Variants in CRKL observed in about 807,000 individuals in gnomAD.
CRKL encodes the protein crk-like protein.
Under a neutral mutation model 23.0 loss-of-function variants are expected in CRKL, and 3 were observed. The ratio of observed to expected loss-of-function variants is 0.13; its 90% CI spans 0.06 to 0.34. The LOEUF (loss-of-function observed/expected upper bound fraction) is 0.34. CRKL is among the 10% of genes least tolerant of loss of function. The probability of loss-of-function intolerance (pLI) is 1.00; values close to 1 mark genes in which losing one functional copy is unlikely to be tolerated. For missense variants in CRKL, 256 were observed against 394.5 expected (o/e 0.65, Z 2.97); for synonymous variants, 188 against 160.7 (o/e 1.17, Z -1.28).
intron 1 of CRKL, among the ~76,000 whole-genome samples, chr22:20,932,111 CTTAT>C (rs766403464): frequency 1.5e-3 from 226 of 150,500 alleles, no homozygotes; most frequent in Non-Finnish European, 2.7e-3. Context: ...GCGCCGGCCT[CTTAT>C]TTATTTATGT....
chr22:20,941,538 A>ATGTGTGTGTGTGTG (rs1187984983), intron 2 of CRKL, among the ~76,000 whole-genome samples: 7 of 50,434 alleles, frequency 1.4e-4, no homozygotes, highest in Non-Finnish European at 1.8e-4. Flanking sequence ...TATATATTTT[A>ATGTGTGTGTGTGTG]TGTGTGTGTG....
chr22:20,952,921 CCTT>C lies in CRKL; in HGVS notation c.*3079_*3081del, dbSNP rs1341822278. On this transcript the variant is annotated 3_prime_UTR_variant, in exon 3 of 3. Coordinates refer to ENST00000354336, the MANE Select transcript of CRKL (RefSeq NM_005207.4). ...GGACTTTGGTCACCCAGACTAGACA[CCTT>C]CTGTGCTCATGTTTGGAAAGCTGAA... 2 of 231,042 alleles carry C rather than the reference CCTT, an allele frequency of 8.7e-6. No homozygotes were observed. Among genetic ancestry groups the C allele is most frequent in the East Asian group, 6.2e-5 (1 of 16,250 alleles). The allele number at this position is 231,042 out of a possible 1,614,324, so 14.3% of individuals were successfully genotyped here.
intron 1 of CRKL, among the ~76,000 whole-genome samples, chr22:20,927,304 C>T (rs1921256643): frequency 2.8e-5 from 4 of 143,282 alleles, no homozygotes; most frequent in South Asian, 4.6e-4. Context: ...GATTCTCCTG[C>T]CTCAGTCTCC....
intron 2 of CRKL, among the ~76,000 whole-genome samples, chr22:20,934,497 A>G (rs1349753804): frequency 6.6e-6 from 1 of 152,056 alleles, no homozygotes; most frequent in Non-Finnish European, 1.5e-5. Context: ...CGACCTCCCA[A>G]AGTACTGGGA....
At chr22:20,938,202 G>A (rs1441603300) in intron 2 of CRKL, among the ~76,000 whole-genome samples, 1 of 152,178 alleles carries the variant, frequency 6.6e-6, no homozygotes, top group Non-Finnish European at 1.5e-5. Context: ...TAGTATTACA[G>A]AGAATGATGA....
chr22:20,949,601 C>T, intron 2 of CRKL, 110 bp from the exon 3 acceptor site: 1 of 1,444,830 alleles, frequency 6.9e-7, no homozygotes, highest in Non-Finnish European at 9.5e-7. Flanking sequence ...GACCCTGTGT[C>T]TAAATAATAA....
At chr22:20,936,840 T>C (rs1256656891) in intron 2 of CRKL, among the ~76,000 whole-genome samples, 1 of 150,736 alleles carries the variant, frequency 6.6e-6, no homozygotes, top group African/African-American at 2.4e-5. Flanking sequence ...GAGTGCTGGC[T>C]GAGCAGGCCT....
At chr22:20,925,186 C>CAAAAAAAAAAAAAAAAAAAAAAAAAAAA (rs11451684) in intron 1 of CRKL, among the ~76,000 whole-genome samples, 1 of 101,000 alleles carries the variant, frequency 9.9e-6, no homozygotes, top group Non-Finnish European at 1.9e-5. Context: ...GACTCCGTCT[C>CAAAAAAAAAAAAAAAAAAAAAAAAAAAA]AAAAAAAAAA....
Position 20,917,789 on chromosome 22 carries a change from G to A in CRKL, c.-146G>A, listed in dbSNP as rs997240872. ...GATGCTGCGGGCCCGGAGCCGAGAG[G>A]AAAGTGCTGGCCCAGCCCTCTGAGC... On this transcript the variant is annotated 5_prime_UTR_variant, in exon 1 of 3. Coordinates refer to ENST00000354336, the MANE Select transcript of CRKL (RefSeq NM_005207.4). The A allele has an allele frequency of 1.3e-5, 10 of 770,452 alleles. No homozygotes were observed. The African/African-American group carries it at 1.8e-4, about 14-fold the overall frequency. The allele number at this position is 770,452 out of a possible 1,614,324, so 47.7% of individuals were successfully genotyped here.
At chr22:20,934,990 A>G (rs980840682) in intron 2 of CRKL, among the ~76,000 whole-genome samples, 3 of 151,146 alleles carry the variant, frequency 2.0e-5, no homozygotes, top group Non-Finnish European at 4.4e-5. Flanking sequence ...ATTTTTTTGT[A>G]TTTTCAGTAG....
chr22:20,950,622 AG>A lies in CRKL; in HGVS notation c.*779del, dbSNP rs1215618753. ...GAGACGGGGTTTCATCATGTTGACC[AG>A]GCTGGTCTCAAACTCCTGACTTCAG... On this transcript the variant is annotated 3_prime_UTR_variant, in exon 3 of 3. Coordinates refer to ENST00000354336, the MANE Select transcript of CRKL (RefSeq NM_005207.4). 4.6e-5 allele frequency: 10 copies of A among 215,632 alleles called. No individual in the cohort carries two copies. The highest frequency in any genetic ancestry group is 7.5e-5 in the Non-Finnish European group (8 of 107,304). The allele number at this position is 215,632 out of a possible 1,614,324, so 13.4% of individuals were successfully genotyped here.
intron 1 of CRKL, among the ~76,000 whole-genome samples, chr22:20,931,660 G>A (rs1921457370): frequency 6.6e-6 from 1 of 151,866 alleles, no homozygotes; most frequent in Admixed American, 6.6e-5. Context: ...TGTAAAATGG[G>A]GATAATAACA....
At chr22:20,941,693 C>A (rs1377821082) in intron 2 of CRKL, among the ~76,000 whole-genome samples, 1 of 145,034 alleles carries the variant, frequency 6.9e-6, no homozygotes, top group Non-Finnish European at 1.5e-5. Context: ...CTCCCGGGTT[C>A]AAGCAGTTCT....
chr22:20,942,815 G>A (rs1375568188), intron 2 of CRKL, among the ~76,000 whole-genome samples: 3 of 152,008 alleles, frequency 2.0e-5, no homozygotes, highest in Admixed American at 2.0e-4. Context: ...TAGAGACAGG[G>A]TTTTGCCATG....
chr22:20,922,912 A>T (rs965165338), intron 1 of CRKL, among the ~76,000 whole-genome samples: 2 of 152,088 alleles, frequency 1.3e-5, no homozygotes, highest in Non-Finnish European at 2.9e-5. Flanking sequence ...ACCTCAAGTG[A>T]TCCACCTGCC....
chr22:20,917,542 C>T lies in CRKL; in HGVS notation c.-393C>T, dbSNP rs929201. ...CGACGCTCCTTCGAGTTCGGTGCCT[C>T]GTGTGACGGCGGGGGTCGGTGAAGA... On this transcript the variant is annotated 5_prime_UTR_variant, in exon 1 of 3. Transcript: ENST00000354336. The T allele has an allele frequency of 1.7e-3, 478 of 279,820 alleles. 3 individuals are homozygous for T. The highest frequency in any genetic ancestry group is 9.5e-3 in the African/African-American group (440 of 46,542). 17.3% of individuals were successfully genotyped at this position (279,820 alleles called of 1,614,324 possible).
intron 2 of CRKL, among the ~76,000 whole-genome samples, chr22:20,945,282 C>T (rs951914755): frequency 4.6e-5 from 7 of 152,232 alleles, no homozygotes; most frequent in East Asian, 3.9e-4. Context: ...CATGAGCCAC[C>T]GCACCCGGCT....
chr22:20,949,678 G>A (rs2147918127), intron 2 of CRKL, 33 bp from the exon 3 acceptor site: 1 of 1,607,710 alleles, frequency 6.2e-7, no homozygotes, highest in East Asian at 2.2e-5. Context: ...TTGTTGCAGA[G>A]AAATGCTAAC....
At position 20,917,754 on chromosome 22, in the gene CRKL, G is replaced by T; in HGVS notation, c.-181G>T. 3.2e-6 allele frequency: 2 copies of T among 625,168 alleles called. No homozygotes were observed. The highest frequency in any genetic ancestry group is 5.4e-6 in the Non-Finnish European group (2 of 367,972). 38.7% of individuals were successfully genotyped at this position (625,168 alleles called of 1,614,324 possible). A position where few individuals can be genotyped will look rare whatever the true frequency, so the allele number is the denominator to read the frequency against. ...TGTGGCGGCCCCGGAGCAGGCGGGC[G>T]GCGTCGGAGGATGCTGCGGGCCCGG... is the stretch of plus-strand genomic sequence containing the variant. On this transcript the variant is annotated 5_prime_UTR_variant, in exon 1 of 3. Transcript: ENST00000354336.
Sources: allele counts gnomAD v4.1 joint callset (sites outside exome capture counted in the v4.1 genomes callset), GRCh38; gene constraint gnomAD v4.1.1; transcripts MANE v1.5; gene names NCBI Gene and HGNC (gene_info 2026-07-23, HGNC 2026-07-21).